The following KCTD16 variants were observed in gnomAD, a reference collection of about 807,000 sequenced individuals.
KCTD16 encodes BTB/POZ domain-containing protein KCTD16.
A neutral mutation model predicts 33.2 loss-of-function variants in KCTD16; 13 were observed. The ratio of observed to expected loss-of-function variants is 0.39; its 90% CI spans 0.25 to 0.62. The LOEUF (loss-of-function observed/expected upper bound fraction) is 0.62. Ranked by LOEUF, KCTD16 falls within the 20% of genes least tolerant of loss-of-function variation. The pLI is 0.50. For synonymous variants in KCTD16, 197 were observed against 195.3 expected (o/e 1.01, Z -0.07); for missense variants, 441 against 525.1 (o/e 0.84, Z 1.57).
intron 3 of KCTD16, among the ~76,000 whole-genome samples, chr5:144,239,298 C>T (rs537944021): frequency 6.6e-6 from 1 of 152,008 alleles, no homozygotes; most frequent in South Asian, 2.1e-4. Context: ...AGAATTTGAA[C>T]ATTATTAAGA....
At chr5:144,325,600 T>C (rs185777659) in intron 3 of KCTD16, among the ~76,000 whole-genome samples, 52 of 152,272 alleles carry the variant, frequency 3.4e-4, no homozygotes, top group African/African-American at 1.1e-3. Flanking sequence ...CCTCTTTTCT[T>C]ATTCTCTATT....
rs3996310 is a variant in KCTD16 at position 144,361,906 on chromosome 5, T to TTGTGTGTG, written c.833-111719_833-111712dup. 1.2e-3 allele frequency among the ~76,000 whole-genome samples: 172 copies of TTGTGTGTG among 143,992 alleles called. 2 individuals are homozygous for TTGTGTGTG. Among genetic ancestry groups the TTGTGTGTG allele is most frequent in the African/African-American group, 4.2e-3 (161 of 38,730 alleles). 94.5% of individuals were successfully genotyped at this position (143,992 alleles called of 152,430 possible). A position where few individuals can be genotyped will look rare whatever the true frequency, so the allele number is the denominator to read the frequency against. ...TTGTTGTTATGAGGCTGGTGTTATT[T>TTGTGTGTG]TGTGTGTGTGTGTGTGTGTGTGTGT... On this transcript the variant is annotated intron_variant, in intron 3 of 3. Transcript: ENST00000512467.
chr5:144,422,846 A>G (rs954796540), intron 3 of KCTD16, among the ~76,000 whole-genome samples: 2 of 152,172 alleles, frequency 1.3e-5, no homozygotes, highest in African/African-American at 4.8e-5. Flanking sequence ...AAATGAATAT[A>G]TACCCCATGT....
intron 3 of KCTD16, among the ~76,000 whole-genome samples, chr5:144,256,795 T>TTTAGGTATACAATACAAAAAAA (rs1554083310): frequency 0.068 from 10,258 of 151,958 alleles, 1,173 homozygotes; most frequent in African/African-American, 0.23. Flanking sequence ...TACCAAAAAC[T>TTTAGGTATACAATACAAAAAAA]TTAGGACTTT....
intron 3 of KCTD16, among the ~76,000 whole-genome samples, chr5:144,390,377 G>A (rs999721890): frequency 1.3e-5 from 2 of 152,182 alleles, no homozygotes; most frequent in African/African-American, 4.8e-5. Context: ...TCTCAGAAGA[G>A]AGGGAAAGAT....
intron 3 of KCTD16, among the ~76,000 whole-genome samples, chr5:144,281,609 T>C (rs537404852): frequency 6.6e-6 from 1 of 152,332 alleles, no homozygotes; most frequent in South Asian, 2.1e-4. Context: ...TCTGACAGCA[T>C]ATGGCCTGTC....
intron 3 of KCTD16, among the ~76,000 whole-genome samples, chr5:144,419,438 T>C (rs1480301057): frequency 6.6e-6 from 1 of 152,206 alleles, no homozygotes. Context: ...AGCATTCCTT[T>C]TGCAAACAAG....
At chr5:144,440,884 C>T (rs924483053) in intron 3 of KCTD16, among the ~76,000 whole-genome samples, 6 of 147,988 alleles carry the variant, frequency 4.1e-5, no homozygotes, top group Admixed American at 6.7e-5. Context: ...AATGATCTGT[C>T]CCCCCTCCCC....
At chr5:144,280,970 G>A (rs1340047346) in intron 3 of KCTD16, among the ~76,000 whole-genome samples, 2 of 148,278 alleles carry the variant, frequency 1.3e-5, no homozygotes, top group Non-Finnish European at 3.0e-5. Flanking sequence ...CAGGAGAATG[G>A]CGTGAACCCG....
At chr5:144,338,038 G>A (rs966996731) in intron 3 of KCTD16, among the ~76,000 whole-genome samples, 3 of 152,162 alleles carry the variant, frequency 2.0e-5, no homozygotes, top group Non-Finnish European at 2.9e-5. Context: ...GGAGTATAAC[G>A]TCAGAGGGCA....
intron 3 of KCTD16, among the ~76,000 whole-genome samples, chr5:144,334,500 T>C (rs1752431405): frequency 6.6e-6 from 1 of 152,212 alleles, no homozygotes; most frequent in Non-Finnish European, 1.5e-5. Context: ...TATAGTATTC[T>C]TATGACAAAA....
At chr5:144,323,632 A>G (rs1049494874) in intron 3 of KCTD16, among the ~76,000 whole-genome samples, 7 of 152,212 alleles carry the variant, frequency 4.6e-5, no homozygotes, top group African/African-American at 1.4e-4. Context: ...CATGGAAAGT[A>G]CAACCTCATT....
At chr5:144,351,240 G>C (rs1751420148) in intron 3 of KCTD16, among the ~76,000 whole-genome samples, 1 of 152,030 alleles carries the variant, frequency 6.6e-6, no homozygotes, top group South Asian at 2.1e-4. Context: ...TATTGTGAAG[G>C]TGCTAACAGA....
rs573486295 is a variant in KCTD16, at chr5:144,439,841, T to G, written c.833-33819T>G. On this transcript the variant is annotated intron_variant, in intron 3 of 3. Transcript: ENST00000512467. ...TGTTTTTTTCCTGCCGGGTGTTGTA[T>G]GTATGGTGACTTGTGGATTTATGAT... 4.9e-4 allele frequency among the ~76,000 whole-genome samples: 75 copies of G among 152,266 alleles called. 2 individuals carry two copies. In the South Asian group the frequency reaches 0.013, roughly 27 times the overall value.
In KCTD16 at chr5:144,477,426, T is replaced by TATAG. The variant is rs1049648467; in HGVS notation, c.*3312_*3313insATAG. 1.6e-4 allele frequency: 24 copies of TATAG among 152,294 alleles called. No individual in the cohort carries two copies. Among genetic ancestry groups the TATAG allele is most frequent in the African/African-American group, 5.5e-4 (23 of 41,582 alleles). 9.4% of individuals were successfully genotyped at this position (152,294 alleles called of 1,614,324 possible). A position where few individuals can be genotyped will look rare whatever the true frequency, so the allele number is the denominator to read the frequency against. ...CTTTATTCCTTTATAGTTGTATCTATTCCAACCAATTCATTTTGGGGGAAC... is the reference window on the plus strand; with the variant it reads ...CTTTATTCCTTTATAGTTGTATCTATATAGTCCAACCAATTCATTTTGGGGGAAC... On this transcript the variant is annotated 3_prime_UTR_variant, in exon 4 of 4. Transcript: ENST00000512467.
intron 3 of KCTD16, among the ~76,000 whole-genome samples, chr5:144,317,129 C>A (rs192758319): frequency 1.3e-5 from 2 of 152,094 alleles, no homozygotes; most frequent in East Asian, 3.9e-4. Context: ...CCCGGCCCGG[C>A]CAGCATCTTT....
intron 3 of KCTD16, among the ~76,000 whole-genome samples, chr5:144,428,046 A>G (rs865937894): frequency 6.6e-6 from 1 of 152,086 alleles, no homozygotes; most frequent in Non-Finnish European, 1.5e-5. Flanking sequence ...ATAGCCCTTG[A>G]CTTGTGGCCA....
chr5:144,307,189 T>C (rs1358555922), intron 3 of KCTD16, among the ~76,000 whole-genome samples: 1 of 152,216 alleles, frequency 6.6e-6, no homozygotes, highest in Non-Finnish European at 1.5e-5. Flanking sequence ...TCTCTCTAAA[T>C]TCTATTCATC....
intron 3 of KCTD16, among the ~76,000 whole-genome samples, chr5:144,272,858 A>C (rs1013586224): frequency 6.6e-6 from 1 of 152,174 alleles, no homozygotes; most frequent in Admixed American, 6.5e-5. Flanking sequence ...TAAATGTAAG[A>C]CCCAAAAGTA....
Sources: allele counts gnomAD v4.1 joint callset (sites outside exome capture counted in the v4.1 genomes callset), GRCh38; gene constraint gnomAD v4.1.1; transcripts MANE v1.5; gene names NCBI Gene and HGNC (gene_info 2026-07-23, HGNC 2026-07-21).